Variants in ZBTB26 observed in about 807,000 individuals in gnomAD.
The protein encoded by ZBTB26 is zinc finger and BTB domain-containing protein 26.
A neutral mutation model predicts 31.6 loss-of-function variants in ZBTB26; 12 were observed. The observed-to-expected ratio is 0.38, with a 90% CI of 0.24 to 0.61. ZBTB26 has a LOEUF of 0.61. Ranked by LOEUF, ZBTB26 falls within the 20% of genes least tolerant of loss-of-function variation. The pLI, the probability that ZBTB26 is intolerant of heterozygous loss-of-function variation, is 0.60. For synonymous variants in ZBTB26, 155 were observed against 182.9 expected (o/e 0.85, Z 1.23); for missense variants, 311 against 521.9 (o/e 0.60, Z 3.94).
At chr9:122,920,125 T>C (rs537740192) in intron 1 of ZBTB26, among the ~76,000 whole-genome samples, 181 bp from the exon 2 acceptor site, 1 of 152,326 alleles carries the variant, frequency 6.6e-6, no homozygotes, top group Non-Finnish European at 1.5e-5. Context: ...AATTACACCT[T>C]ACCAATATCA....
intron 1 of ZBTB26, among the ~76,000 whole-genome samples, chr9:122,926,895 A>G (rs1833191219): frequency 6.6e-6 from 1 of 152,236 alleles, no homozygotes; most frequent in Non-Finnish European, 1.5e-5. Flanking sequence ...TTGATTTCAC[A>G]ATCCCCAACT....
chr9:122,929,063 T>G (rs1354886913), intron 1 of ZBTB26, among the ~76,000 whole-genome samples: 1 of 152,188 alleles, frequency 6.6e-6, no homozygotes, highest in South Asian at 2.1e-4. Flanking sequence ...TTTCTGTAAC[T>G]GGATATCTTT....
rs1237001337 is a variant in ZBTB26 at position 122,917,891 on chromosome 9, T to C, written c.*718A>G. The C allele has an allele frequency of 6.6e-6, 1 of 152,364 alleles. No homozygotes were observed. The highest frequency in any genetic ancestry group is 1.9e-4 in the East Asian group (1 of 5,190). The allele number at this position is 152,364 out of a possible 1,614,324, so 9.4% of individuals were successfully genotyped here. ...CTACCAGAGAAACCGCCCATGTAAG[T>C]GCTGTTGTATAAGTGTACTTCTATC... On this transcript the variant is annotated 3_prime_UTR_variant, in exon 2 of 2. Transcript: ENST00000373656.
At position 122,918,985 on chromosome 9, in the gene ZBTB26, ATG is replaced by A; in HGVS notation, c.948_949del (p.Met317AlafsTer7). 1 of 1,614,228 alleles carries A rather than the reference ATG, an allele frequency of 6.2e-7. No individual in the cohort carries two copies. The highest frequency in any genetic ancestry group is 8.5e-7 in the Non-Finnish European group (1 of 1,180,040). On this transcript the variant is annotated frameshift_variant, in exon 2 of 2. Transcript: ENST00000373656. LOFTEE classifies it high-confidence loss of function. ...AGGTTTAATTCCGGCATGCACACGC[ATG>A]TGTCGATGAAGGTTGCCTTTCTGAG... is the stretch of plus-strand genomic sequence containing the variant.
At chr9:122,922,967 C>T (rs1459515364) in intron 1 of ZBTB26, among the ~76,000 whole-genome samples, 1 of 151,972 alleles carries the variant, frequency 6.6e-6, no homozygotes, top group African/African-American at 2.4e-5. Context: ...TGGTGGATCA[C>T]GAGGTCAGGA....
chr9:122,926,502 G>T (rs367775021), intron 1 of ZBTB26, among the ~76,000 whole-genome samples: 94 of 135,424 alleles, frequency 6.9e-4, no homozygotes, highest in South Asian at 3.8e-3. Context: ...GCGAGACTCC[G>T]TCTCAAAAAA....
chr9:122,921,915 G>A (rs1269663458), intron 1 of ZBTB26, among the ~76,000 whole-genome samples: 1 of 144,466 alleles, frequency 6.9e-6, no homozygotes, highest in Non-Finnish European at 1.5e-5. Flanking sequence ...TGGGCAACAA[G>A]AGCAAAACTC....
chr9:122,930,120 T>C (rs1255128117), intron 1 of ZBTB26, among the ~76,000 whole-genome samples: 1 of 152,172 alleles, frequency 6.6e-6, no homozygotes. Context: ...CTAGCTACAA[T>C]GTTTAGGCTG....
rs1833211332 is a variant in ZBTB26 at position 122,928,114 on chromosome 9, C to G, written c.-11+3323G>C. ...CCTCCCAATGTGCTGGGATTATAGG[C>G]ATGAACCGCTGTGCCCGGCCCCTCC... On this transcript the variant is annotated intron_variant, in intron 1 of 1. Transcript: ENST00000373656. 2.0e-5 allele frequency among the ~76,000 whole-genome samples: 3 copies of G among 152,170 alleles called. No individual in the cohort carries two copies. In the South Asian group the frequency reaches 6.2e-4, roughly 32 times the overall value.
intron 1 of ZBTB26, among the ~76,000 whole-genome samples, chr9:122,928,282 T>C (rs1833214036): frequency 6.6e-6 from 1 of 151,962 alleles, no homozygotes; most frequent in Non-Finnish European, 1.5e-5. Context: ...TTGATGAATA[T>C]AGATTTAATT....
intron 1 of ZBTB26, among the ~76,000 whole-genome samples, chr9:122,926,550 T>A (rs1449665264): frequency 6.6e-6 from 1 of 152,112 alleles, no homozygotes; most frequent in African/African-American, 2.4e-5. Flanking sequence ...CAGATTTCCT[T>A]CCTTACATTC....
intron 1 of ZBTB26, among the ~76,000 whole-genome samples, chr9:122,928,981 A>G (rs1833226933): frequency 6.6e-6 from 1 of 152,246 alleles, no homozygotes; most frequent in Non-Finnish European, 1.5e-5. Flanking sequence ...TTTGAGAGAC[A>G]TTTCCAACAA....
At position 122,917,090 on chromosome 9, in the gene ZBTB26, T is replaced by G. The variant is rs1833025498; in HGVS notation, c.*1519A>C. ...AATATTCATCTAACTAAAAAATAAT[T>G]AATATAAATCCCTCTGCGATATTTT... On this transcript the variant is annotated 3_prime_UTR_variant, in exon 2 of 2. Coordinates refer to ENST00000373656, the MANE Select transcript of ZBTB26 (RefSeq NM_020924.4). 1 of 151,714 alleles carries G rather than the reference T, an allele frequency of 6.6e-6. No individual in the cohort carries two copies. The highest frequency in any genetic ancestry group is 2.1e-4 in the South Asian group (1 of 4,832). The allele number at this position is 151,714 out of a possible 1,614,324, so 9.4% of individuals were successfully genotyped here. A position where few individuals can be genotyped will look rare whatever the true frequency, so the allele number is the denominator to read the frequency against.
At chr9:122,926,011 G>A (rs879655915) in intron 1 of ZBTB26, among the ~76,000 whole-genome samples, 5 of 151,788 alleles carry the variant, frequency 3.3e-5, no homozygotes, top group Non-Finnish European at 7.4e-5. Flanking sequence ...CACCTGCTTC[G>A]GCCTCCCAAA....
chr9:122,928,790 C>T (rs146017335), intron 1 of ZBTB26, among the ~76,000 whole-genome samples: 1 of 152,336 alleles, frequency 6.6e-6, no homozygotes, highest in East Asian at 1.9e-4. Flanking sequence ...ACTTGAAATG[C>T]ATGATGCCTG....
At position 122,919,557 on chromosome 9, in the gene ZBTB26, A is replaced by T. The variant is rs746087361; in HGVS notation, c.378T>A (p.Phe126Leu). 4 of 1,614,188 alleles carry T rather than the reference A, an allele frequency of 2.5e-6. No homozygotes were observed. In the South Asian group the frequency reaches 4.4e-5, roughly 18 times the overall value. The change falls in exon 2 of 2, where the codon TTT becomes TTA. Residue 126 changes from phenylalanine (F) to leucine (L), a missense_variant. Physicochemically the swap from Phe to Leu is conservative, Grantham distance 22. Around this residue, in one of 5 missense-constraint regions of ZBTB26, gnomAD observed 207 missense variants for 298.6 expected, o/e 0.69. Coordinates refer to ENST00000373656, the MANE Select transcript of ZBTB26 (RefSeq NM_020924.4). This position sits in a 1 kb window ranked among gnomAD's most constrained non-coding sequence, Gnocchi z 6.1. ...TATCCATTGGTTGTTTTGGCTTTAT[A>T]AACTTCCACAGGGCCTGTGTGCACC... ...VERCTQALWK[F>L]IKPKQPMDSK...
chr9:122,924,200 C>G (rs1235622266), intron 1 of ZBTB26, among the ~76,000 whole-genome samples: 2 of 152,206 alleles, frequency 1.3e-5, no homozygotes, highest in African/African-American at 4.8e-5. Flanking sequence ...CCAGATAGTT[C>G]AGGGAAGTGT....
In ZBTB26 at chr9:122,915,625, A is replaced by G. The variant is rs1833009099; in HGVS notation, c.*2984T>C. On this transcript the variant is annotated 3_prime_UTR_variant, in exon 2 of 2. Transcript: ENST00000373656. ...CATAATAAGTGAAGAGGTAGTTCATAGTATGTCTAACATACAACAGATTTA... is the reference window on the plus strand; with the variant it reads ...CATAATAAGTGAAGAGGTAGTTCATGGTATGTCTAACATACAACAGATTTA... The G allele has an allele frequency of 6.6e-6, 1 of 152,252 alleles. No individual in the cohort carries two copies. Among genetic ancestry groups the G allele is most frequent in the East Asian group, 1.9e-4 (1 of 5,200 alleles). 9.4% of individuals were successfully genotyped at this position (152,252 alleles called of 1,614,324 possible). A position where few individuals can be genotyped will look rare whatever the true frequency, so the allele number is the denominator to read the frequency against.
rs1018188720 is a variant in ZBTB26 at position 122,918,336 on chromosome 9, A to G, written c.*273T>C. ...GCCTAAAACAGTGTCAGTCTAAGAC[A>G]TAAGTCAATGTTAGGTAGACAAAAG... On this transcript the variant is annotated 3_prime_UTR_variant, in exon 2 of 2. Transcript: ENST00000373656. The G allele has an allele frequency of 4.8e-6, 2 of 416,782 alleles. No homozygotes were observed. The highest frequency in any genetic ancestry group is 2.0e-5 in the African/African-American group (1 of 49,490). The allele number at this position is 416,782 out of a possible 1,614,324, so 25.8% of individuals were successfully genotyped here.
Sources: gnomAD v4.1 joint callset for allele counts (sites outside exome capture counted in the v4.1 genomes callset) on GRCh38, gnomAD v4.1.1 for gene constraint, gnomAD v4.1.1 regional missense constraint, Gnocchi (gnomAD v3.1) non-coding constraint, MANE v1.5 for transcripts, NCBI Gene and HGNC (gene_info 2026-07-23, HGNC 2026-07-21) for gene names.